SPATA6L: variants seen among roughly 807,000 people sequenced by gnomAD.
The protein encoded by SPATA6L is spermatogenesis associated 6-like protein.
A neutral mutation model predicts 49.2 loss-of-function variants in SPATA6L; 68 were observed. The observed-to-expected ratio is 1.38, with a 90% CI of 1.14 to 1.69. The LOEUF (loss-of-function observed/expected upper bound fraction) is 1.69, where lower values mean the gene tolerates loss of function less well. Ranked by LOEUF, SPATA6L falls within the 40% of genes most tolerant of loss-of-function variation. The pLI is 0.00. For synonymous variants in SPATA6L, 198 were observed against 165.7 expected (o/e 1.19, Z -1.50); for missense variants, 668 against 464.3 (o/e 1.44, Z -4.03).
chr9:4,612,780 C>A (rs987428732), intron 9 of SPATA6L, among the ~76,000 whole-genome samples: 1 of 152,126 alleles, frequency 6.6e-6, no homozygotes, highest in African/African-American at 2.4e-5. Flanking sequence ...TTCATTCTCT[C>A]GTTCATTCAT....
chr9:4,643,333 T>A (rs780825550), intron 3 of SPATA6L, among the ~76,000 whole-genome samples: 13 of 152,134 alleles, frequency 8.5e-5, no homozygotes, highest in Non-Finnish European at 1.8e-4. Context: ...ATTGACAGTA[T>A]CCAGCATTAA....
At chr9:4,647,061 TA>T (rs916861890) in intron 3 of SPATA6L, among the ~76,000 whole-genome samples, 28 of 146,552 alleles carry the variant, frequency 1.9e-4, no homozygotes, top group African/African-American at 7.1e-4. Flanking sequence ...CCCCTAAACC[TA>T]AAAGTTAAAA....
chr9:4,610,869 A>C (rs982854387), intron 9 of SPATA6L, among the ~76,000 whole-genome samples: 12 of 151,940 alleles, frequency 7.9e-5, no homozygotes, highest in Middle Eastern at 3.4e-3. Flanking sequence ...CAACCTACAA[A>C]ATGGGAGAAA....
At position 4,635,289 on chromosome 9, in the gene SPATA6L, C is replaced by T. The variant is rs375308497; in HGVS notation, c.337G>A (p.Ala113Thr). 179 of 1,529,016 alleles carry T rather than the reference C, an allele frequency of 1.2e-4. No homozygotes were observed. The highest frequency in any genetic ancestry group is 1.5e-4 in the Non-Finnish European group (175 of 1,150,282). 94.7% of individuals were successfully genotyped at this position (1,529,016 alleles called of 1,614,324 possible). A position where few individuals can be genotyped will look rare whatever the true frequency, so the allele number is the denominator to read the frequency against. The change falls in exon 4 of 12, where the codon GCT becomes ACT. Residue 113 changes from alanine to threonine, a missense_variant. By Grantham distance (58) the Ala-to-Thr change is moderately conservative. Coordinates refer to ENST00000682582, the MANE Select transcript of SPATA6L (RefSeq NM_001353486.2). ...GAATCACTTACTGGAAAACCCAGAG[C>T]CGTCTTCATGAGCACCTCCCTACAC... ...RRCREVLMKT[A>T]LGFPGIAPKI... is the part of the protein sequence containing the mutation.
chr9:4,635,225 C>G, intron 4 of SPATA6L, 50 bp downstream of exon 4: 1 of 1,461,484 alleles, frequency 6.8e-7, no homozygotes, highest in Non-Finnish European at 9.0e-7. Context: ...ACGTTCAGGT[C>G]CCAAGAGTTT....
Position 4,650,824 on chromosome 9 carries a change from T to TTGTGTGTGTG in SPATA6L, c.226+5207_226+5216dup, listed in dbSNP as rs59184426. Among the ~76,000 whole-genome samples, 7 of 137,146 alleles carry TTGTGTGTGTG rather than the reference T, an allele frequency of 5.1e-5. No homozygotes were observed. In the East Asian group the frequency reaches 1.1e-3, roughly 21 times the overall value. 90.0% of individuals were successfully genotyped at this position (137,146 alleles called of 152,430 possible). ...ACAGGCAAGCACCACCAAACCCAGCTTGTGTGTGTGTGTGTGTGTGTGTGT... is the reference window on the plus strand; with the variant it reads ...ACAGGCAAGCACCACCAAACCCAGCTTGTGTGTGTGTGTGTGTGTGTGTGTGTGTGTGTGT... On this transcript the variant is annotated intron_variant, in intron 3 of 11. Transcript: ENST00000682582.
intron 2 of SPATA6L, 54 bp downstream of exon 2, chr9:4,661,845 A>G: frequency 6.3e-7 from 1 of 1,589,596 alleles, no homozygotes; most frequent in Non-Finnish European, 8.6e-7. Context: ...GTTCTTTATA[A>G]GAACTCTCAG....
In SPATA6L at chr9:4,662,008, C is replaced by A. The variant is rs1401757093; in HGVS notation, c.68G>T (p.Gly23Val). ...AISCPGVFLP[G>V]KQDVYLGVYL... Reference sequence around the variant, plus strand: ...GACCCCGAGGTACACATCTTGTTTGCCAGGCAGGAACACTCCTGGGCAAGA... The same window carrying A: ...GACCCCGAGGTACACATCTTGTTTGACAGGCAGGAACACTCCTGGGCAAGA... Residue 23 changes from glycine (G) to valine (V), a missense_variant, in exon 2 of 12, where the codon GGC (glycine) becomes GTC (valine). By Grantham distance (109) the Gly-to-Val change is moderately radical (BLOSUM62 -3). Coordinates refer to ENST00000682582, the MANE Select transcript of SPATA6L (RefSeq NM_001353486.2). This position sits in a 1 kb window ranked among gnomAD's most constrained non-coding sequence, Gnocchi z 4.9. 5 of 1,613,996 alleles carry A rather than the reference C, an allele frequency of 3.1e-6. No individual in the cohort carries two copies. Among genetic ancestry groups the A allele is most frequent in the Non-Finnish European group, 4.2e-6 (5 of 1,179,958 alleles).
chr9:4,644,816 C>G (rs1834981021), intron 3 of SPATA6L, among the ~76,000 whole-genome samples: 1 of 152,132 alleles, frequency 6.6e-6, no homozygotes, highest in Non-Finnish European at 1.5e-5. Flanking sequence ...CCTAACCTCT[C>G]TCACCAGCTC....
intron 9 of SPATA6L, among the ~76,000 whole-genome samples, chr9:4,609,739 A>G (rs1826206681): frequency 1.3e-5 from 2 of 151,444 alleles, no homozygotes; most frequent in Non-Finnish European, 2.9e-5. Context: ...CTGGCACAAG[A>G]CAGGGATGCC....
At chr9:4,631,020 A>T (rs1271952693) in intron 4 of SPATA6L, among the ~76,000 whole-genome samples, 1 of 152,212 alleles carries the variant, frequency 6.6e-6, no homozygotes, top group Non-Finnish European at 1.5e-5. Flanking sequence ...TTCCTGATCG[A>T]CTTTGCCCAG....
downstream of SPATA6L, among the ~76,000 whole-genome samples, chr9:4,597,201 C>G (rs1429330208): frequency 6.6e-6 from 1 of 151,984 alleles, no homozygotes. Flanking sequence ...ACCTGTAAGC[C>G]TAGCATTTTG....
At chr9:4,646,696 C>T (rs934547434) in intron 3 of SPATA6L, among the ~76,000 whole-genome samples, 1 of 151,840 alleles carries the variant, frequency 6.6e-6, no homozygotes, top group African/African-American at 2.4e-5. Context: ...TAGAATTAAC[C>T]AATCAAGAGA....
chr9:4,657,074 A>C (rs1276538797), intron 2 of SPATA6L, among the ~76,000 whole-genome samples: 1 of 152,212 alleles, frequency 6.6e-6, no homozygotes, highest in Non-Finnish European at 1.5e-5. Flanking sequence ...CTTGAAACAA[A>C]AGGGCCTGGG....
chr9:4,606,176 C>T (rs1418573748), intron 9 of SPATA6L, among the ~76,000 whole-genome samples: 4 of 151,452 alleles, frequency 2.6e-5, no homozygotes, highest in African/African-American at 9.7e-5. Flanking sequence ...TGATTGCTAG[C>T]ACAGCAGTCT....
chr9:4,655,939 C>A, intron 3 of SPATA6L, 102 bp downstream of exon 3: 1 of 895,916 alleles, frequency 1.1e-6, no homozygotes, highest in Non-Finnish European at 1.7e-6. Context: ...AAATATTCAT[C>A]AAACATGAAC....
rs751288060 is a variant in SPATA6L at position 4,605,449 on chromosome 9, C to T, written c.996-9G>A. 1.2e-6 allele frequency: 2 copies of T among 1,600,030 alleles called. No individual in the cohort carries two copies. Among genetic ancestry groups the T allele is most frequent in the Non-Finnish European group, 1.7e-6 (2 of 1,167,174 alleles). On this transcript the variant is annotated splice_polypyrimidine_tract_variant and intron_variant, in intron 9 of 11. Transcript: ENST00000682582. ...GAGAACCAGGATGGAACCTGCTCAA[C>T]AGATGGAACAGGGTGGAATATTAAG... is the stretch of plus-strand genomic sequence containing the variant.
intron 1 of SPATA6L, chr9:4,663,147 G>A: frequency 6.2e-7 from 1 of 1,614,116 alleles, no homozygotes; most frequent in Non-Finnish European, 8.5e-7. Flanking sequence ...GCGGCACAAT[G>A]TCACCGACGT....
chr9:4,603,526 G>T (rs1002466677), intron 11 of SPATA6L, among the ~76,000 whole-genome samples: 3 of 152,196 alleles, frequency 2.0e-5, no homozygotes, highest in African/African-American at 7.2e-5. Flanking sequence ...TGGGTAGGCA[G>T]GTTCTTGTTC....
Sources: allele counts gnomAD v4.1 joint callset (sites outside exome capture counted in the v4.1 genomes callset), GRCh38; gene constraint gnomAD v4.1.1; non-coding constraint Gnocchi (gnomAD v3.1); transcripts MANE v1.5; gene names NCBI Gene and HGNC (gene_info 2026-07-23, HGNC 2026-07-21).